Variants in TYK2 observed in about 807,000 individuals in gnomAD.
TYK2 encodes non-receptor tyrosine-protein kinase TYK2.
A neutral mutation model predicts 130.9 loss-of-function variants in TYK2; 65 were observed. The observed-to-expected ratio is 0.50, with a 90% CI of 0.41 to 0.61. TYK2 has a LOEUF of 0.61. Ranked by LOEUF, TYK2 falls within the 20% of genes least tolerant of loss-of-function variation. The probability of loss-of-function intolerance (pLI) is 0.00; values close to 1 mark genes in which losing one functional copy is unlikely to be tolerated. For missense variants in TYK2, 1,378 were observed against 1,610.7 expected (o/e 0.86, Z 2.47); for synonymous variants, 647 against 658.9 (o/e 0.98, Z 0.28).
intron 23 of TYK2, chr19:10,351,381 G>A (rs2145129182): frequency 4.5e-6 from 2 of 446,618 alleles, no homozygotes; most frequent in Middle Eastern, 7.0e-4. Flanking sequence ...CAGCTACTTG[G>A]GAGGCTGAGG....
chr19:10,350,610 G>T lies in TYK2; in HGVS notation c.*224C>A. ...TGGAAGCTGGGGGATTTAAGGGCTG[G>T]ATTAGTGCCCCTACAAATGTTGGGT... On this transcript the variant is annotated 3_prime_UTR_variant, in exon 25 of 25. Transcript: ENST00000525621. 1 of 568,676 alleles carries T rather than the reference G, an allele frequency of 1.8e-6. No individual in the cohort carries two copies. The highest frequency in any genetic ancestry group is 3.1e-6 in the Non-Finnish European group (1 of 319,530). 35.2% of individuals were successfully genotyped at this position (568,676 alleles called of 1,614,324 possible). A position where few individuals can be genotyped will look rare whatever the true frequency, so the allele number is the denominator to read the frequency against.
chr19:10,380,176 A>C (rs917643815), intron 1 of TYK2, among the ~76,000 whole-genome samples: 4 of 152,212 alleles, frequency 2.6e-5, no homozygotes, highest in African/African-American at 9.6e-5. Context: ...ATACCTATTC[A>C]TGTTATAGAT....
chr19:10,354,797 G>A (rs1447918469), intron 18 of TYK2, among the ~76,000 whole-genome samples, 188 bp from the exon 19 acceptor site: 1 of 151,958 alleles, frequency 6.6e-6, no homozygotes, highest in Non-Finnish European at 1.5e-5. Flanking sequence ...CATCAAAACT[G>A]ACACCTGTTT....
Position 10,354,624 on chromosome 19 carries a change from G to A in TYK2, c.2618-15C>T. 3 of 1,608,858 alleles carry A rather than the reference G, an allele frequency of 1.9e-6. No individual in the cohort carries two copies. Among genetic ancestry groups the A allele is most frequent in the Middle Eastern group, 1.7e-4 (1 of 6,046 alleles). Reference sequence around the variant, plus strand: ...GTCAGCAAGATCTGGAAGAGTTGCGGTGGGTAAAGGCCTGACCCCGATCCT... The same window carrying A: ...GTCAGCAAGATCTGGAAGAGTTGCGATGGGTAAAGGCCTGACCCCGATCCT... On this transcript the variant is annotated splice_polypyrimidine_tract_variant and intron_variant, in intron 18 of 24. Coordinates refer to ENST00000525621, the MANE Select transcript of TYK2 (RefSeq NM_003331.5).
rs767776173 is a variant in TYK2, at chr19:10,365,825, G to A, written c.703C>T (p.Arg235Trp). Reference protein sequence around the residue: ...QHSALTRLRLRNVFRRFLRDF... With the variant: ...QHSALTRLRLWNVFRRFLRDF... ...CGCAGGAACCTGCGGAAGACGTTCCGAAGGCGCAGCCGGGTCAGGGCGCTG... is the reference window on the plus strand; with the variant it reads ...CGCAGGAACCTGCGGAAGACGTTCCAAAGGCGCAGCCGGGTCAGGGCGCTG... The change falls in exon 7 of 25, where the codon CGG (arginine) becomes TGG (tryptophan). Residue 235 changes from arginine to tryptophan, a missense_variant. Coordinates refer to ENST00000525621, the MANE Select transcript of TYK2 (RefSeq NM_003331.5). 6.7e-5 allele frequency: 108 copies of A among 1,612,340 alleles called. No individual in the cohort carries two copies. Among genetic ancestry groups the A allele is most frequent in the Admixed American group, 2.2e-4 (13 of 59,886 alleles).
intron 3 of TYK2, among the ~76,000 whole-genome samples, chr19:10,370,313 C>T (rs147900086): frequency 1.8e-4 from 27 of 148,918 alleles, no homozygotes; most frequent in Admixed American, 1.3e-3. Flanking sequence ...GAGCCAAGAT[C>T]GTGCCACTGA....
chr19:10,353,066 G>A lies in TYK2; in HGVS notation c.3060C>T (p.Ile1020=), dbSNP rs759635612. The A allele has an allele frequency of 6.3e-7, 1 of 1,575,158 alleles. No individual in the cohort carries two copies. Among genetic ancestry groups the A allele is most frequent in the Non-Finnish European group, 8.6e-7 (1 of 1,158,524 alleles). ...CGTTGCGCGCGGCTAGGTCTCGGTG[G>A]ATGTAGTGCTGCGCGTGCAGATAGG... The part of the protein sequence containing the change: ...GMAYLHAQHY[I]HRDLAARNVL... Residue 1020 remains isoleucine (I), a synonymous_variant, in exon 22 of 25, where the codon ATC becomes ATT. Coordinates refer to ENST00000525621, the MANE Select transcript of TYK2 (RefSeq NM_003331.5). This position sits in a 1 kb window ranked among gnomAD's most constrained non-coding sequence, Gnocchi z 6.9.
At chr19:10,359,441 G>C in intron 14 of TYK2, 139 bp from the exon 15 acceptor site, 3 of 1,056,738 alleles carry the variant, frequency 2.8e-6, no homozygotes, top group Non-Finnish European at 4.2e-6. Context: ...AGTTTGGTCT[G>C]GGTTGAAAGT....
At chr19:10,358,208 C>T in intron 15 of TYK2, 70 bp from the exon 16 acceptor site, 2 of 1,486,658 alleles carry the variant, frequency 1.3e-6, no homozygotes, top group East Asian at 2.4e-5. Flanking sequence ...ACCTGGTCCC[C>T]ATAGGGACAG....
At position 10,364,884 on chromosome 19, in the gene TYK2, A is replaced by G. The variant is rs201518152; in HGVS notation, c.1176T>C (p.Cys392=). ...TGTTGTCCTGCCGGTGGATGCTGAC[A>G]CAGTGCTCTTTCAGCACCACGTGGG... The part of the protein sequence containing the change: ...DITHVVLKEH[C]VSIHRQDNKC... Residue 392 remains cysteine, a synonymous_variant, in exon 8 of 25, where the codon TGT becomes TGC. Transcript: ENST00000525621. This position sits in a 1 kb window ranked among gnomAD's most constrained non-coding sequence, Gnocchi z 4.9. 19 of 1,614,174 alleles carry G rather than the reference A, an allele frequency of 1.2e-5. No homozygotes were observed. The East Asian group carries it at 4.2e-4, about 36-fold the overall frequency.
intron 17 of TYK2, 99 bp downstream of exon 17, chr19:10,357,665 G>C: frequency 6.6e-7 from 1 of 1,507,642 alleles, no homozygotes; most frequent in Non-Finnish European, 9.0e-7. Flanking sequence ...TTGAAGTCAC[G>C]AGGCCAGAAG....
chr19:10,354,009 T>C (rs768600166), intron 20 of TYK2, 33 bp downstream of exon 20: 11 of 1,609,450 alleles, frequency 6.8e-6, no homozygotes, highest in Middle Eastern at 3.3e-4. Flanking sequence ...CCACGCCCCC[T>C]CAAGTCTCTA....
Position 10,353,682 on chromosome 19 carries a change from T to C in TYK2, c.2909-36A>G, listed in dbSNP as rs2304253. ...GAGGGGCGGCCCCGGTGGGGGACGA[T>C]AGAGGGCGGGCCGGGGACCGCCTAC... On this transcript the variant is annotated intron_variant, in intron 20 of 24. Coordinates refer to ENST00000525621, the MANE Select transcript of TYK2 (RefSeq NM_003331.5). The surrounding 1 kb of genome is among the most constrained non-coding windows in gnomAD (Gnocchi z 6.9). 546 of 1,439,034 alleles carry C rather than the reference T, an allele frequency of 3.8e-4. 10 individuals are homozygous for C. The East Asian group carries it at 0.013, about 34-fold the overall frequency. 89.1% of individuals were successfully genotyped at this position (1,439,034 alleles called of 1,614,324 possible).
At position 10,353,418 on chromosome 19, in the gene TYK2, G is replaced by A; in HGVS notation, c.3027+110C>T. The stretch of plus-strand genomic sequence containing the variant: ...GTCAGTGCAAGGACAAGACAGCCTG[G>A]GCAAACGAGCAGGGGCGGAGCGTGA... On this transcript the variant is annotated intron_variant, in intron 21 of 24. Coordinates refer to ENST00000525621, the MANE Select transcript of TYK2 (RefSeq NM_003331.5). The surrounding 1 kb of genome is among the most constrained non-coding windows in gnomAD (Gnocchi z 6.9). The A allele has an allele frequency of 2.5e-6, 2 of 787,156 alleles. No homozygotes were observed. The highest frequency in any genetic ancestry group is 1.9e-6 in the Non-Finnish European group (1 of 518,644). 48.8% of individuals were successfully genotyped at this position (787,156 alleles called of 1,614,324 possible).
rs2041595109 is a variant in TYK2, at chr19:10,365,056, C to T, written c.1012-8G>A. ...ACTGCTGCCACTAGAACCCTGAACA[C>T]CCAGCAAGTGGGGCAGAGGATGGAG... is the stretch of plus-strand genomic sequence containing the variant. On this transcript the variant is annotated splice_polypyrimidine_tract_variant and splice_region_variant and intron_variant, in intron 7 of 24. Coordinates refer to ENST00000525621, the MANE Select transcript of TYK2 (RefSeq NM_003331.5). 5.0e-6 allele frequency: 8 copies of T among 1,599,790 alleles called. No homozygotes were observed. The highest frequency in any genetic ancestry group is 4.5e-5 in the East Asian group (2 of 44,652).
At chr19:10,362,019 C>A in intron 12 of TYK2, 59 bp downstream of exon 12, 1 of 1,613,240 alleles carries the variant, frequency 6.2e-7, no homozygotes, top group Non-Finnish European at 8.5e-7. Flanking sequence ...TCCCAGGGCC[C>A]CCAGCACCCA....
chr19:10,363,612 C>T (rs575540895), intron 9 of TYK2, among the ~76,000 whole-genome samples: 7 of 152,250 alleles, frequency 4.6e-5, no homozygotes, highest in South Asian at 2.1e-4. Context: ...GGGTGACACA[C>T]GGTGGATGGC....
rs1272471457 is a variant in TYK2 at position 10,357,706 on chromosome 19, C to G, written c.2466+58G>C. 1.9e-6 allele frequency: 3 copies of G among 1,554,318 alleles called. No individual in the cohort carries two copies. The African/African-American group carries it at 4.1e-5, about 21-fold the overall frequency. On this transcript the variant is annotated intron_variant, in intron 17 of 24. Transcript: ENST00000525621. Reference sequence around the variant, plus strand: ...CAGCTTTGAGCTCTGATTCTGTCCTCTGGATTTCTTGGAGGGGCCCCCACT... The same window carrying G: ...CAGCTTTGAGCTCTGATTCTGTCCTGTGGATTTCTTGGAGGGGCCCCCACT...
intron 3 of TYK2, among the ~76,000 whole-genome samples, chr19:10,377,609 T>G (rs1599368475): frequency 1.2e-5 from 1 of 83,352 alleles, no homozygotes; most frequent in Non-Finnish European, 2.4e-5. Flanking sequence ...GATGGATGGG[T>G]GGATGGATGG....
Sources: gnomAD v4.1 joint callset for allele counts (sites outside exome capture counted in the v4.1 genomes callset) on GRCh38, gnomAD v4.1.1 for gene constraint, Gnocchi (gnomAD v3.1) non-coding constraint, MANE v1.5 for transcripts, NCBI Gene and HGNC (gene_info 2026-07-23, HGNC 2026-07-21) for gene names.